Variants in AHDC1 observed in about 807,000 individuals in gnomAD.
AHDC1 encodes transcription factor Gibbin.
In AHDC1, 7 loss-of-function variants were observed where a neutral mutation model predicts 87.9. The ratio of observed to expected loss-of-function variants is 0.08; its 90% CI spans 0.05 to 0.15. AHDC1 has a LOEUF of 0.15. Among genes scored for constraint, AHDC1 ranks in the 10% least tolerant of loss-of-function variants. AHDC1 has a pLI of 1.00. For synonymous variants in AHDC1, 1,051 were observed against 1,006.8 expected (o/e 1.04, Z -0.83); for missense variants, 1,841 against 2,253.2 (o/e 0.82, Z 3.70).
intron 5 of AHDC1, among the ~76,000 whole-genome samples, chr1:27,554,202 C>A (rs2019720622): frequency 1.3e-5 from 2 of 152,204 alleles, no homozygotes; most frequent in African/African-American, 4.8e-5. Context: ...GAGAGAGGGA[C>A]CTAAGAATGT....
intron 3 of AHDC1, among the ~76,000 whole-genome samples, chr1:27,567,042 G>T (rs1299324935): frequency 6.6e-6 from 1 of 152,068 alleles, no homozygotes; most frequent in African/African-American, 2.4e-5. Context: ...TCTAGGCCCT[G>T]ACCAATCCTA....
chr1:27,555,729 A>C (rs969128629), intron 5 of AHDC1, among the ~76,000 whole-genome samples: 1 of 148,920 alleles, frequency 6.7e-6, no homozygotes, highest in Non-Finnish European at 1.5e-5. Flanking sequence ...TCCCTCCCTT[A>C]CTGAGGGTCA....
At position 27,549,509 on chromosome 1, in the gene AHDC1, G is replaced by A. The variant is rs1423328151; in HGVS notation, c.2607C>T (p.Gly869=). 1.2e-6 allele frequency: 2 copies of A among 1,613,272 alleles called. No homozygotes were observed. Among genetic ancestry groups the A allele is most frequent in the Non-Finnish European group, 8.5e-7 (1 of 1,179,976 alleles). ...ASRPESRKAS[G]TYAGPPTSAL... ...CACTGGTGGGTGGCCCTGCATAGGTGCCCGATGCCTTCCGGGACTCTGGGC... is the reference window on the plus strand; with the variant it reads ...CACTGGTGGGTGGCCCTGCATAGGTACCCGATGCCTTCCGGGACTCTGGGC... Residue 869 remains glycine (G), a synonymous_variant, in exon 8 of 9, where the codon GGC becomes GGT. Transcript: ENST00000673934.
intron 3 of AHDC1, chr1:27,568,001 T>C (rs1208000089): frequency 6.6e-6 from 1 of 152,294 alleles, no homozygotes; most frequent in Non-Finnish European, 1.5e-5. Context: ...CTGGGAAACC[T>C]GGTTTCCAGC....
intron 3 of AHDC1, among the ~76,000 whole-genome samples, chr1:27,592,809 G>T (rs1321553877): frequency 1.3e-5 from 2 of 152,194 alleles, no homozygotes; most frequent in South Asian, 4.1e-4. Context: ...TAACCTGTGA[G>T]GGCTGGGGGT....
chr1:27,583,025 G>A (rs1571320587), intron 3 of AHDC1, among the ~76,000 whole-genome samples: 1 of 152,156 alleles, frequency 6.6e-6, no homozygotes, highest in South Asian at 2.1e-4. Context: ...TGACTGACGA[G>A]TAGCTGGGAT....
At chr1:27,559,327 A>G (rs371688814) in intron 3 of AHDC1, among the ~76,000 whole-genome samples, 18 of 152,248 alleles carry the variant, frequency 1.2e-4, no homozygotes, top group African/African-American at 4.3e-4. Context: ...AAGTGCTGGG[A>G]TTGCAGGTAT....
rs960014405 is a variant in AHDC1, at chr1:27,593,076, G to A, written c.-629+10321C>T. ...GAGCAAGGAGCTGAGCAACAGCTGC[G>A]GTGCTGCCCCTCCAGGGGACACAGG... On this transcript the variant is annotated intron_variant, in intron 3 of 8. Coordinates refer to ENST00000673934, the MANE Select transcript of AHDC1 (RefSeq NM_001371928.1). This position sits in a 1 kb window ranked among gnomAD's most constrained non-coding sequence, Gnocchi z 4.9. Among the ~76,000 whole-genome samples the A allele has an allele frequency of 3.9e-5, 6 of 152,112 alleles. No individual in the cohort carries two copies. Among genetic ancestry groups the A allele is most frequent in the South Asian group, 2.1e-4 (1 of 4,836 alleles).
At chr1:27,585,269 A>T (rs2148452050) in intron 3 of AHDC1, among the ~76,000 whole-genome samples, 1 of 151,608 alleles carries the variant, frequency 6.6e-6, no homozygotes, top group East Asian at 1.9e-4. Context: ...AAAAAAAAAA[A>T]AAAAAAGAAG....
chr1:27,582,505 T>C (rs1231427044), intron 3 of AHDC1, among the ~76,000 whole-genome samples: 1 of 152,256 alleles, frequency 6.6e-6, no homozygotes, highest in Non-Finnish European at 1.5e-5. Flanking sequence ...TCTGATTCAT[T>C]TTCCTCCTTG....
Position 27,549,641 on chromosome 1 carries a change from C to T in AHDC1, c.2475G>A (p.Gln825=). Residue 825 remains glutamine, a synonymous_variant, in exon 8 of 9, where the codon CAG becomes CAA. Coordinates refer to ENST00000673934, the MANE Select transcript of AHDC1 (RefSeq NM_001371928.1). ...TTTGGCGCTCCTGGCTGAGCTCGGTCTGGCCTGAGGGTGCACCCGTGCTGT... is the reference window on the plus strand; with the variant it reads ...TTTGGCGCTCCTGGCTGAGCTCGGTTTGGCCTGAGGGTGCACCCGTGCTGT... ...SYYSTGAPSG[Q]TELSQERQNL... The T allele has an allele frequency of 6.2e-7, 1 of 1,613,136 alleles. No homozygotes were observed. The highest frequency in any genetic ancestry group is 2.2e-5 in the East Asian group (1 of 44,884).
chr1:27,548,029 A>T lies in AHDC1; in HGVS notation c.4087T>A (p.Phe1363Ile). The change falls in exon 8 of 9, where the codon TTC (phenylalanine) becomes ATC (isoleucine). Residue 1363 changes from phenylalanine (F) to isoleucine (I), a missense_variant. Physicochemically the swap from Phe to Ile is conservative, Grantham distance 21. This residue lies in a region of AHDC1 where 505 missense variants were observed against 626.2 expected (regional missense o/e 0.81). Coordinates refer to ENST00000673934, the MANE Select transcript of AHDC1 (RefSeq NM_001371928.1). ...CCCAGGCTGGGCGAGTCGCAGTGGA[A>T]GCCTTGGCCAAAGGTGCCATCGGAA... is the stretch of plus-strand genomic sequence containing the variant. ...TPSDGTFGQG[F>I]HCDSPSLGAP... 6.2e-7 allele frequency: 1 copy of T among 1,611,538 alleles called. No homozygotes were observed. Among genetic ancestry groups the T allele is most frequent in the Non-Finnish European group, 8.5e-7 (1 of 1,178,074 alleles).
chr1:27,542,884 T>A (rs1165266000), intron 8 of AHDC1, among the ~76,000 whole-genome samples: 1 of 152,076 alleles, frequency 6.6e-6, no homozygotes, highest in Non-Finnish European at 1.5e-5. Context: ...AGAGATAGGA[T>A]CAGAGGGAGG....
chr1:27,551,688 A>G lies in AHDC1; in HGVS notation c.428T>C (p.Val143Ala). The change falls in exon 8 of 9, where the codon GTA becomes GCA. Residue 143 changes from valine (V) to alanine (A), a missense_variant. Physicochemically the swap from Val to Ala is moderately conservative, Grantham distance 64. Around this residue, in one of 13 missense-constraint regions of AHDC1, gnomAD observed 50 missense variants for 104.3 expected, o/e 0.48. Coordinates refer to ENST00000673934, the MANE Select transcript of AHDC1 (RefSeq NM_001371928.1). ...RLSQDLQHSG[V>A]HLDCGGLRLS... is the part of the protein sequence containing the mutation. ...TCGGAGCCCACCACAGTCCAGGTGT[A>G]CACCACTGTGCTGCAGGTCCTGGGA... 2.5e-6 allele frequency: 4 copies of G among 1,613,666 alleles called. No individual in the cohort carries two copies. The highest frequency in any genetic ancestry group is 3.4e-6 in the Non-Finnish European group (4 of 1,179,930).
At chr1:27,555,046 C>T (rs2019757159) in intron 5 of AHDC1, among the ~76,000 whole-genome samples, 1 of 152,202 alleles carries the variant, frequency 6.6e-6, no homozygotes, top group African/African-American at 2.4e-5. Context: ...ACTCCCAGCT[C>T]CTGTAACAAT....
At chr1:27,597,343 G>A (rs545442611) in intron 3 of AHDC1, among the ~76,000 whole-genome samples, 1 of 151,970 alleles carries the variant, frequency 6.6e-6, no homozygotes, top group East Asian at 1.9e-4. Flanking sequence ...ATTTGTGTGT[G>A]TGTGTGTGTG....
intron 8 of AHDC1, among the ~76,000 whole-genome samples, chr1:27,538,930 G>C (rs1220664296): frequency 6.6e-6 from 1 of 152,118 alleles, no homozygotes; most frequent in Non-Finnish European, 1.5e-5. Flanking sequence ...CCCAAAGCCT[G>C]ATCCATCCCT....
chr1:27,539,739 C>T (rs1009553927), intron 8 of AHDC1, among the ~76,000 whole-genome samples: 15 of 152,140 alleles, frequency 9.9e-5, no homozygotes, highest in Non-Finnish European at 1.9e-4. Context: ...CCACCGCACC[C>T]GGCCTGAGAA....
intron 8 of AHDC1, among the ~76,000 whole-genome samples, chr1:27,544,431 C>T (rs2019075278): frequency 1.3e-5 from 2 of 152,106 alleles, no homozygotes; most frequent in African/African-American, 4.8e-5. Flanking sequence ...AACTGGAGGA[C>T]AGGGGTCATG....
Sources: gnomAD v4.1 joint callset for allele counts (sites outside exome capture counted in the v4.1 genomes callset) on GRCh38, gnomAD v4.1.1 for gene constraint, gnomAD v4.1.1 regional missense constraint, Gnocchi (gnomAD v3.1) non-coding constraint, MANE v1.5 for transcripts, NCBI Gene and HGNC (gene_info 2026-07-23, HGNC 2026-07-21) for gene names.